Variants in LETM2 observed in about 807,000 individuals in gnomAD.
LETM2 encodes the protein leucine zipper and EF-hand containing transmembrane protein 2.
A neutral mutation model predicts 59.6 loss-of-function variants in LETM2; 58 were observed. The ratio of observed to expected loss-of-function variants is 0.97; its 90% confidence interval spans 0.79 to 1.21. The LOEUF is 1.21. Ranked by LOEUF, LETM2 falls within the 50% of genes most tolerant of loss-of-function variation. The pLI is 0.00. For missense variants in LETM2, 572 were observed against 575.7 expected (o/e 0.99, Z 0.07); for synonymous variants, 199 against 214.1 (o/e 0.93, Z 0.62).
chr8:38,399,203 GA>G (rs984566576), intron 4 of LETM2, among the ~76,000 whole-genome samples: 1 of 152,076 alleles, frequency 6.6e-6, no homozygotes, highest in Non-Finnish European at 1.5e-5. Flanking sequence ...TGGTTATTTT[GA>G]AAATGCTACC....
chr8:38,389,965 C>A (rs1812084526), intron 2 of LETM2, among the ~76,000 whole-genome samples: 1 of 145,832 alleles, frequency 6.9e-6, no homozygotes. Flanking sequence ...CACCACTGCA[C>A]TCCAGTCTGG....
rs1563401757 is a variant in LETM2, at chr8:38,407,418, A to T, written c.1368A>T (p.Thr456=). Residue 456 remains threonine (T), a synonymous_variant, in exon 10 of 11, where the codon ACA becomes ACT. Transcript: ENST00000379957. ...PVTSSPITPS[T]PISLPKGPIT... ...CATCATCACCCATAACACCATCAACACCTATTTCATTACCTAAAGGACCCA... is the reference window on the plus strand; with the variant it reads ...CATCATCACCCATAACACCATCAACTCCTATTTCATTACCTAAAGGACCCA... 1 of 1,613,450 alleles carries T rather than the reference A, an allele frequency of 6.2e-7. No individual in the cohort carries two copies. Among genetic ancestry groups the T allele is most frequent in the Non-Finnish European group, 8.5e-7 (1 of 1,179,508 alleles).
At chr8:38,399,671 G>C (rs1261917732) in intron 4 of LETM2, among the ~76,000 whole-genome samples, 2 of 151,500 alleles carry the variant, frequency 1.3e-5, no homozygotes, top group Non-Finnish European at 2.9e-5. Flanking sequence ...CCAGCTATTC[G>C]AGAGGCTGAG....
intron 4 of LETM2, among the ~76,000 whole-genome samples, chr8:38,395,867 G>A (rs1297800942): frequency 1.3e-5 from 2 of 152,040 alleles, no homozygotes; most frequent in African/African-American, 4.8e-5. Flanking sequence ...ATTATTCTGA[G>A]TTCTTTGTAT....
chr8:38,404,027 A>C (rs529962421), intron 7 of LETM2, among the ~76,000 whole-genome samples: 148 of 152,230 alleles, frequency 9.7e-4, no homozygotes, highest in African/African-American at 3.3e-3. Context: ...AGATAATTAG[A>C]AAATTTTTTT....
intron 7 of LETM2, 47 bp downstream of exon 7, chr8:38,402,691 C>G (rs748146469): frequency 1.3e-6 from 2 of 1,594,372 alleles, no homozygotes; most frequent in Admixed American, 3.3e-5. Context: ...GAACTCTCTC[C>G]TACAATATGC....
At chr8:38,388,241 G>A (rs1585962096) in intron 2 of LETM2, among the ~76,000 whole-genome samples, 4 of 151,644 alleles carry the variant, frequency 2.6e-5, no homozygotes, top group East Asian at 1.9e-4. Context: ...CACCACCTCC[G>A]GCTAATCTTT....
rs185390379 is a variant in LETM2 at position 38,389,860 on chromosome 8, G to A, written c.47+1830G>A. Among the ~76,000 whole-genome samples, 117 of 152,024 alleles carry A rather than the reference G, an allele frequency of 7.7e-4. 1 individual carries two copies. The highest frequency in any genetic ancestry group is 3.4e-3 in the Middle Eastern group (1 of 294). The stretch of plus-strand genomic sequence containing the variant: ...CTAAAAATACAAAAATTAGCTGGAC[G>A]TGGTGGCATGCAGCTGTAGTCCCAG... On this transcript the variant is annotated intron_variant, in intron 2 of 10. Coordinates refer to ENST00000379957, the MANE Select transcript of LETM2 (RefSeq NM_001286819.2).
Sources: gnomAD v4.1 joint callset for allele counts (sites outside exome capture counted in the v4.1 genomes callset) on GRCh38, gnomAD v4.1.1 for gene constraint, MANE v1.5 for transcripts, NCBI Gene and HGNC (gene_info 2026-07-23, HGNC 2026-07-21) for gene names.